The following RALYL variants were observed in gnomAD, a reference collection of about 807,000 sequenced individuals.
RALYL encodes the protein RNA-binding Raly-like protein.
In RALYL, 29 loss-of-function variants were observed where a neutral mutation model predicts 35.1. The observed-to-expected ratio is 0.83, with a 90% CI of 0.61 to 1.13. The LOEUF is 1.13. RALYL is among the 50% of genes most tolerant of loss of function. RALYL has a pLI of 0.00. For synonymous variants in RALYL, 120 were observed against 127.6 expected, an observed-to-expected ratio of 0.94 and a Z score of 0.40; for missense variants, 359 against 360.4, an observed-to-expected ratio of 1.00 and a Z score of 0.03.
intron 4 of RALYL, among the ~76,000 whole-genome samples, chr8:84,814,169 G>C (rs929843999): frequency 6.6e-6 from 1 of 152,204 alleles, no homozygotes; most frequent in African/African-American, 2.4e-5. Context: ...CATAAGAATT[G>C]CTCATAAATG....
rs897792302 is a variant in RALYL at position 84,845,221 on chromosome 8, G to T, written c.366-4759G>T. On this transcript the variant is annotated intron_variant, in intron 4 of 8. Transcript: ENST00000521268. Reference sequence around the variant, plus strand: ...GAACTTTTATTCCATGAAAATGATTGTCCCCTCAATCAATAGCAATTGAAT... The same window carrying T: ...GAACTTTTATTCCATGAAAATGATTTTCCCCTCAATCAATAGCAATTGAAT... Among the ~76,000 whole-genome samples, 6 of 152,184 alleles carry T rather than the reference G, an allele frequency of 3.9e-5. No homozygotes were observed. In the East Asian group the frequency reaches 9.7e-4, roughly 24 times the overall value.
intron 1 of RALYL, among the ~76,000 whole-genome samples, chr8:84,227,056 CTTTTTTT>C (rs1158995864): frequency 1.2e-5 from 1 of 81,890 alleles, no homozygotes; most frequent in Non-Finnish European, 2.2e-5. Context: ...AATTGTATTT[CTTTTTTT>C]TTTTTTTTTT....
In RALYL at chr8:84,322,107, A is replaced by G. The variant is rs150325487; in HGVS notation, c.-24+137683A>G. On this transcript the variant is annotated intron_variant, in intron 1 of 8. Coordinates refer to ENST00000521268, the MANE Select transcript of RALYL (RefSeq NM_173848.7). ...TTTAATACTCCTCCCTCAGTAACTG[A>G]TACATAAAGCAGACAAAAACTCATT... 1.2e-4 allele frequency among the ~76,000 whole-genome samples: 18 copies of G among 152,220 alleles called. 1 individual carries two copies. The East Asian group carries it at 2.5e-3, about 21-fold the overall frequency.
intron 2 of RALYL, among the ~76,000 whole-genome samples, chr8:84,711,611 G>T (rs1190344609): frequency 2.0e-5 from 3 of 151,998 alleles, no homozygotes; most frequent in Non-Finnish European, 4.4e-5. Context: ...TTGTTCTAAG[G>T]CTTTTTAAGG....
chr8:84,679,421 G>GCT (rs1834900531), intron 2 of RALYL: 1 of 281,472 alleles, frequency 3.6e-6, no homozygotes, highest in Non-Finnish European at 7.1e-6. Flanking sequence ...CCAAGAGTGT[G>GCT]CTCTTTGGTC....
chr8:84,756,595 G>T (rs76213419), intron 2 of RALYL, among the ~76,000 whole-genome samples: 3,091 of 152,184 alleles, frequency 0.02, 100 homozygotes, highest in African/African-American at 0.07. Flanking sequence ...CAGCCGGGCT[G>T]TTAACATAAT....
intron 1 of RALYL, among the ~76,000 whole-genome samples, chr8:84,301,360 C>A (rs1188712574): frequency 6.6e-6 from 1 of 151,886 alleles, no homozygotes; most frequent in African/African-American, 2.4e-5. Flanking sequence ...GACTATATTT[C>A]TTGGGAAAGT....
chr8:84,227,337 C>T (rs369979561), intron 1 of RALYL, among the ~76,000 whole-genome samples: 5 of 150,314 alleles, frequency 3.3e-5, no homozygotes, highest in East Asian at 3.9e-4. Context: ...GGATTATAGG[C>T]GTGAGCCACC....
At chr8:84,815,543 G>C (rs906182047) in intron 4 of RALYL, among the ~76,000 whole-genome samples, 2 of 150,810 alleles carry the variant, frequency 1.3e-5, no homozygotes, top group Non-Finnish European at 3.0e-5. Context: ...CATTTTTTAA[G>C]ATGTTAAGCA....
intron 1 of RALYL, among the ~76,000 whole-genome samples, chr8:84,436,959 C>A (rs1587250630): frequency 1.3e-5 from 2 of 151,930 alleles, no homozygotes; most frequent in African/African-American, 4.8e-5. Flanking sequence ...GGGGTTGCTG[C>A]GATTGAACCT....
chr8:84,325,648 A>C (rs1368525474), intron 1 of RALYL, among the ~76,000 whole-genome samples: 2 of 152,168 alleles, frequency 1.3e-5, no homozygotes, highest in Non-Finnish European at 2.9e-5. Flanking sequence ...TTATTTGTCC[A>C]CTTCTGTTGC....
At chr8:84,886,797 C>A (rs1169134672) in intron 7 of RALYL, among the ~76,000 whole-genome samples, 1 of 152,118 alleles carries the variant, frequency 6.6e-6, no homozygotes, top group Non-Finnish European at 1.5e-5. Flanking sequence ...AGTGTAGCTT[C>A]ATTTGTTGAG....
chr8:84,874,428 G>A (rs1361092556), intron 7 of RALYL, among the ~76,000 whole-genome samples: 2 of 152,018 alleles, frequency 1.3e-5, no homozygotes, highest in African/African-American at 4.8e-5. Context: ...CTCAGGGCTT[G>A]TAACTGAATT....
intron 5 of RALYL, among the ~76,000 whole-genome samples, chr8:84,858,972 G>A (rs1317665777): frequency 6.6e-6 from 1 of 152,154 alleles, no homozygotes; most frequent in Non-Finnish European, 1.5e-5. Flanking sequence ...TGTTACTGGT[G>A]GAGGATGTCC....
intron 2 of RALYL, among the ~76,000 whole-genome samples, chr8:84,772,419 C>T (rs1228824319): frequency 1.3e-5 from 2 of 151,986 alleles, no homozygotes; most frequent in African/African-American, 4.8e-5. Flanking sequence ...ATTGGAATTA[C>T]ATGGAATCCA....
chr8:84,432,843 C>G (rs923258958), intron 1 of RALYL, among the ~76,000 whole-genome samples: 2 of 152,028 alleles, frequency 1.3e-5, no homozygotes, highest in African/African-American at 2.4e-5. Context: ...AGGTTCCTAC[C>G]CAGAGTCTCA....
chr8:84,720,948 C>A (rs1328011733), intron 2 of RALYL, among the ~76,000 whole-genome samples: 2 of 151,944 alleles, frequency 1.3e-5, no homozygotes, highest in Non-Finnish European at 2.9e-5. Context: ...TATTATCTCA[C>A]CCAGTTAAAA....
intron 2 of RALYL, among the ~76,000 whole-genome samples, chr8:84,729,084 A>C (rs948026870): frequency 6.6e-6 from 1 of 152,096 alleles, no homozygotes. Context: ...CATTTTCATG[A>C]TATTGATTCT....
chr8:84,281,535 T>TA lies in RALYL; in HGVS notation c.-24+97111_-24+97112insA, dbSNP rs1377206832. 7.7e-3 allele frequency among the ~76,000 whole-genome samples: 1,178 copies of TA among 152,268 alleles called. 19 individuals carry two copies. Among genetic ancestry groups the TA allele is most frequent in the African/African-American group, 0.027 (1,133 of 41,562 alleles). On this transcript the variant is annotated intron_variant, in intron 1 of 8. Coordinates refer to ENST00000521268, the MANE Select transcript of RALYL (RefSeq NM_173848.7). ...ATGGCACTGTTCATTCACCTGACTC[T>TA]TGCCCTACCCTCCTTTCCAGAATTA...
Sources: gnomAD v4.1 joint callset for allele counts (sites outside exome capture counted in the v4.1 genomes callset) on GRCh38, gnomAD v4.1.1 for gene constraint, MANE v1.5 for transcripts, NCBI Gene and HGNC (gene_info 2026-07-23, HGNC 2026-07-21) for gene names.